The following MS4A4E variants were observed in gnomAD, a reference collection of about 807,000 sequenced individuals.
The protein encoded by MS4A4E is putative membrane-spanning 4-domains subfamily A member 4E.
A neutral mutation model predicts 13.3 loss-of-function variants in MS4A4E; 23 were observed. The observed-to-expected ratio is 1.73, with a 90% CI of 1.25 to 2.45. The LOEUF is 2.45. Among genes scored for constraint, MS4A4E ranks in the 30% most tolerant of loss-of-function variants. The pLI, the probability that MS4A4E is intolerant of heterozygous loss-of-function variation, is 0.00. For synonymous variants in MS4A4E, 36 were observed against 45.6 expected, an observed-to-expected ratio of 0.79 and a Z score of 0.85; for missense variants, 144 against 131.2, an observed-to-expected ratio of 1.10 and a Z score of -0.48.
intron 1 of MS4A4E, among the ~76,000 whole-genome samples, chr11:60,235,979 C>T (rs2084477975): frequency 6.6e-6 from 1 of 152,192 alleles, no homozygotes; most frequent in Admixed American, 6.5e-5. Context: ...CATTCTTTTG[C>T]ATGTGAATCT....
intron 1 of MS4A4E, among the ~76,000 whole-genome samples, chr11:60,236,431 AAT>A (rs2084483165): frequency 6.6e-6 from 1 of 152,054 alleles, no homozygotes; most frequent in Non-Finnish European, 1.5e-5. Context: ...CCAGTTCCTG[AAT>A]ATGAGTTTTT....
At position 60,238,238 on chromosome 11, in the gene MS4A4E, G is replaced by A. The variant is rs200109850; in HGVS notation, c.-17+4720C>T. On this transcript the variant is annotated intron_variant, in intron 1 of 8. Coordinates refer to ENST00000651255, the MANE Select transcript of MS4A4E (RefSeq NM_001393391.1). ...CTTCTCTTCTAGTTTTTGATGGAAG[G>A]GTATTAATTCTTTTTAAAATGTTTA... 3.2e-4 allele frequency among the ~76,000 whole-genome samples: 49 copies of A among 151,660 alleles called. No individual in the cohort carries two copies. The East Asian group carries it at 9.5e-3, about 29-fold the overall frequency.
At chr11:60,205,110 CA>C (rs1289442332) in intron 7 of MS4A4E, among the ~76,000 whole-genome samples, 152 bp from the exon 8 acceptor site, 1 of 152,016 alleles carries the variant, frequency 6.6e-6, no homozygotes, top group Non-Finnish European at 1.5e-5. Context: ...AATGTCCATG[CA>C]AATTCAATAC....
chr11:60,219,390 A>G (rs2084237682), intron 3 of MS4A4E, among the ~76,000 whole-genome samples: 1 of 152,226 alleles, frequency 6.6e-6, no homozygotes, highest in African/African-American at 2.4e-5. Context: ...GAGGCAAAGC[A>G]GCAATCAGAA....
In MS4A4E at chr11:60,200,360, G is replaced by A. The variant is rs2083972437; in HGVS notation, c.*1183C>T. ...CAGAGGGGGATTTGGCAGGGTCATA[G>A]GACAATAGTGGAGGGAAGGTCAGCA... On this transcript the variant is annotated 3_prime_UTR_variant, in exon 9 of 9. Transcript: ENST00000651255. Among the ~76,000 whole-genome samples the A allele has an allele frequency of 6.6e-6, 1 of 151,856 alleles. No individual in the cohort carries two copies. Among genetic ancestry groups the A allele is most frequent in the East Asian group, 1.9e-4 (1 of 5,192 alleles).
rs973456325 is a variant in MS4A4E at position 60,213,007 on chromosome 11, T to G, written c.348A>C (p.Ser116=). The part of the protein sequence containing the change: ...RYHYCNHDQL[S]SNCYMTMSIL... ...TGGACATAGTCATGTAACAATTACT[T>G]GACAACTGATCGTGGTTACAGTAAT... The change falls in exon 5 of 9, where the codon TCA becomes TCC. Residue 116 remains serine, a synonymous_variant. Coordinates refer to ENST00000651255, the MANE Select transcript of MS4A4E (RefSeq NM_001393391.1). 2.7e-5 allele frequency: 10 copies of G among 375,592 alleles called. No homozygotes were observed. The highest frequency in any genetic ancestry group is 4.2e-5 in the African/African-American group (2 of 47,906). 23.3% of individuals were successfully genotyped at this position (375,592 alleles called of 1,614,324 possible).
At chr11:60,241,074 C>T (rs11230208) in intron 1 of MS4A4E, among the ~76,000 whole-genome samples, 1 of 151,996 alleles carries the variant, frequency 6.6e-6, no homozygotes, top group South Asian at 2.1e-4. Flanking sequence ...CCCAGGCTGG[C>T]GTGCAGTGGT....
At chr11:60,218,306 G>T (rs1224673760) in intron 3 of MS4A4E, among the ~76,000 whole-genome samples, 4 of 152,094 alleles carry the variant, frequency 2.6e-5, no homozygotes, top group African/African-American at 9.7e-5. Flanking sequence ...TTTCACCCCG[G>T]TACTGTGGTC....
Position 60,213,298 on chromosome 11 carries a change from C to T in MS4A4E, c.223-166G>A, listed in dbSNP as rs1294361049. 6 of 1,535,002 alleles carry T rather than the reference C, an allele frequency of 3.9e-6. No individual in the cohort carries two copies. The Admixed American group carries it at 1.2e-4, about 30-fold the overall frequency. On this transcript the variant is annotated intron_variant, in intron 4 of 8. Coordinates refer to ENST00000651255, the MANE Select transcript of MS4A4E (RefSeq NM_001393391.1). ...CTCTCGCCAAAACACAAATATGATC[C>T]CATTATTCTCCAGCTTAAATTCTTC...
chr11:60,209,520 T>G (rs2084092612), intron 5 of MS4A4E, among the ~76,000 whole-genome samples: 1 of 152,212 alleles, frequency 6.6e-6, no homozygotes, highest in East Asian at 1.9e-4. Flanking sequence ...ATAACCAAAC[T>G]GTATTGTCTT....
At chr11:60,239,384 A>G (rs895348425) in intron 1 of MS4A4E, among the ~76,000 whole-genome samples, 1 of 152,350 alleles carries the variant, frequency 6.6e-6, no homozygotes, top group South Asian at 2.1e-4. Context: ...GGCTTGAAGT[A>G]TAAAACATAA....
chr11:60,208,312 G>A (rs1438442141), intron 6 of MS4A4E, among the ~76,000 whole-genome samples: 1 of 152,146 alleles, frequency 6.6e-6, no homozygotes, highest in East Asian at 1.9e-4. Context: ...CAAAGAAAAA[G>A]TACATTGTCA....
chr11:60,235,815 T>C (rs1425646182), intron 1 of MS4A4E, among the ~76,000 whole-genome samples: 1 of 152,176 alleles, frequency 6.6e-6, no homozygotes, highest in Non-Finnish European at 1.5e-5. Context: ...CTTTGCTCTA[T>C]ATCTAAAATT....
At chr11:60,207,019 A>T (rs1395862257) in intron 6 of MS4A4E, among the ~76,000 whole-genome samples, 1 of 152,166 alleles carries the variant, frequency 6.6e-6, no homozygotes, top group Non-Finnish European at 1.5e-5. Flanking sequence ...ATGATGGGTA[A>T]ACCAAGGTAT....
chr11:60,224,601 G>A, intron 3 of MS4A4E, among the ~76,000 whole-genome samples: 1 of 152,094 alleles, frequency 6.6e-6, no homozygotes, highest in South Asian at 2.1e-4. Flanking sequence ...CTCTGGTATA[G>A]TCTGCTAGCA....
intron 1 of MS4A4E, 34 bp downstream of exon 1, chr11:60,242,924 C>T: frequency 6.7e-7 from 1 of 1,501,292 alleles, no homozygotes; most frequent in Non-Finnish European, 9.2e-7. Context: ...AACTATCAGT[C>T]CGAGAGCCTA....
At chr11:60,208,002 T>C (rs751949398) in intron 6 of MS4A4E, among the ~76,000 whole-genome samples, 52 of 152,108 alleles carry the variant, frequency 3.4e-4, no homozygotes, top group Non-Finnish European at 6.6e-4. Flanking sequence ...CATTGTGAAA[T>C]ATTTTCTTAT....
chr11:60,203,125 A>G (rs906124981), intron 8 of MS4A4E, among the ~76,000 whole-genome samples: 1 of 152,208 alleles, frequency 6.6e-6, no homozygotes, highest in Admixed American at 6.5e-5. Context: ...CTGAATATTT[A>G]AAAGTATAAT....
chr11:60,237,035 C>T (rs534014789), intron 1 of MS4A4E, among the ~76,000 whole-genome samples: 59 of 152,150 alleles, frequency 3.9e-4, no homozygotes, highest in Non-Finnish European at 7.4e-4. Flanking sequence ...TGCGCCCAAC[C>T]ATATCACCCA....
Sources: gnomAD v4.1 joint callset for allele counts (sites outside exome capture counted in the v4.1 genomes callset) on GRCh38, gnomAD v4.1.1 for gene constraint, MANE v1.5 for transcripts, NCBI Gene and HGNC (gene_info 2026-07-23, HGNC 2026-07-21) for gene names.